VRK1: variants seen among roughly 807,000 people sequenced by gnomAD.
The protein encoded by VRK1 is VRK serine/threonine kinase 1, also known as serine/threonine-protein kinase VRK1.
VRK1 carries 33 observed loss-of-function variants against 57.1 expected under a neutral mutation model. The observed-to-expected ratio is 0.58, with a 90% CI of 0.44 to 0.77. The LOEUF is 0.77. VRK1 is among the 30% of genes least tolerant of loss of function. VRK1 has a pLI of 0.00. For synonymous variants in VRK1, 137 were observed against 147.8 expected (o/e 0.93, Z 0.53); for missense variants, 413 against 477.3 (o/e 0.87, Z 1.25).
At chr14:96,824,402 T>C (rs1886719874) in intron 1 of VRK1, among the ~76,000 whole-genome samples, 1 of 152,184 alleles carries the variant, frequency 6.6e-6, no homozygotes, top group Non-Finnish European at 1.5e-5. Flanking sequence ...AAAGAAAGAA[T>C]GAGCAGTGTT....
At chr14:96,847,998 A>G (rs1887782884) in intron 5 of VRK1, among the ~76,000 whole-genome samples, 1 of 152,192 alleles carries the variant, frequency 6.6e-6, no homozygotes, top group South Asian at 2.1e-4. Context: ...GAATGAATGA[A>G]TGGAACTTCA....
chr14:96,868,072 C>T (rs1203996006), intron 11 of VRK1, among the ~76,000 whole-genome samples: 1 of 152,004 alleles, frequency 6.6e-6, no homozygotes, highest in Non-Finnish European at 1.5e-5. Flanking sequence ...GTTGGAATAC[C>T]TATTTTCCTG....
intron 2 of VRK1, among the ~76,000 whole-genome samples, chr14:96,835,345 A>G (rs964576629): frequency 6.6e-6 from 1 of 152,166 alleles, no homozygotes; most frequent in African/African-American, 2.4e-5. Flanking sequence ...TTATGGTAGC[A>G]TACCTTTTTC....
intron 11 of VRK1, among the ~76,000 whole-genome samples, chr14:96,863,447 A>G (rs982455852): frequency 1.3e-5 from 2 of 152,182 alleles, no homozygotes; most frequent in African/African-American, 4.8e-5. Flanking sequence ...ATCTGGGTTA[A>G]GAACAGCTTA....
intron 12 of VRK1, among the ~76,000 whole-genome samples, chr14:96,880,370 G>C (rs992036614): frequency 1.3e-5 from 2 of 152,112 alleles, no homozygotes; most frequent in Non-Finnish European, 2.9e-5. Context: ...CCTGACTCTG[G>C]TGCCCCTGCT....
intron 11 of VRK1, among the ~76,000 whole-genome samples, chr14:96,865,593 A>G (rs1006843380): frequency 2.0e-5 from 3 of 152,192 alleles, no homozygotes; most frequent in Admixed American, 6.5e-5. Context: ...ACTTTACTCT[A>G]TAGAGCAATT....
rs1269173866 is a variant in VRK1 at position 96,846,183 on chromosome 14, A to G, written c.286+19A>G. 2 of 1,611,376 alleles carry G rather than the reference A, an allele frequency of 1.2e-6. No homozygotes were observed. The highest frequency in any genetic ancestry group is 1.7e-6 in the Non-Finnish European group (2 of 1,177,918). Reference sequence around the variant, plus strand: ...GAGCAAAGTAAGAAATACAGTACACATACGTTTACACTTTTAAAATGACCA... The same window carrying G: ...GAGCAAAGTAAGAAATACAGTACACGTACGTTTACACTTTTAAAATGACCA... On this transcript the variant is annotated intron_variant, in intron 4 of 12. Transcript: ENST00000216639.
rs911174650 is a variant in VRK1, at chr14:96,855,138, A to G, written c.577-86A>G. 26 of 1,603,718 alleles carry G rather than the reference A, an allele frequency of 1.6e-5. No individual in the cohort carries two copies. In the South Asian group the frequency reaches 2.8e-4, roughly 17 times the overall value. On this transcript the variant is annotated intron_variant, in intron 7 of 12. Coordinates refer to ENST00000216639, the MANE Select transcript of VRK1 (RefSeq NM_003384.3). Reference sequence around the variant, plus strand: ...ACCTTGTAGGTGAACCCACCTTCAGATGCCAGTATTTTGTTTCTGTGCTTT... The same window carrying G: ...ACCTTGTAGGTGAACCCACCTTCAGGTGCCAGTATTTTGTTTCTGTGCTTT...
intron 1 of VRK1, among the ~76,000 whole-genome samples, chr14:96,816,894 C>T (rs1330893974): frequency 6.6e-6 from 1 of 152,174 alleles, no homozygotes; most frequent in East Asian, 1.9e-4. Context: ...TTTGAGAAAA[C>T]TGGATAAATT....
chr14:96,838,517 C>G (rs1326223049), intron 3 of VRK1, among the ~76,000 whole-genome samples: 2 of 151,962 alleles, frequency 1.3e-5, no homozygotes, highest in African/African-American at 2.4e-5. Flanking sequence ...ATAGAAGAAC[C>G]AACAGGATGT....
At position 96,856,643 on chromosome 14, in the gene VRK1, C is replaced by A. The variant is rs1425002134; in HGVS notation, c.889+57C>A. On this transcript the variant is annotated intron_variant, in intron 10 of 12. Coordinates refer to ENST00000216639, the MANE Select transcript of VRK1 (RefSeq NM_003384.3). ...ATTTTGTTTTCTGGGGATAAAAAGG[C>A]ATGATATCCATGGAATAGCCCTTAA... 8 of 1,414,998 alleles carry A rather than the reference C, an allele frequency of 5.7e-6. No individual in the cohort carries two copies. The Admixed American group carries it at 1.2e-4, about 21-fold the overall frequency. 87.7% of individuals were successfully genotyped at this position (1,414,998 alleles called of 1,614,324 possible).
At chr14:96,813,590 C>A (rs140677168) in intron 1 of VRK1, among the ~76,000 whole-genome samples, 3 of 151,908 alleles carry the variant, frequency 2.0e-5, no homozygotes, top group Non-Finnish European at 4.4e-5. Context: ...TTCATTACTA[C>A]GTTTGTCCTT....
chr14:96,811,401 C>T (rs186528816), intron 1 of VRK1, among the ~76,000 whole-genome samples: 1 of 152,274 alleles, frequency 6.6e-6, no homozygotes, highest in Non-Finnish European at 1.5e-5. Flanking sequence ...CTTACTTGTC[C>T]CTACCTTCAG....
Position 96,853,175 on chromosome 14 carries a change from A to G in VRK1, c.576+9A>G, listed in dbSNP as rs978347799. 9.9e-6 allele frequency: 16 copies of G among 1,608,490 alleles called. No individual in the cohort carries two copies. The highest frequency in any genetic ancestry group is 2.2e-5 in the South Asian group (2 of 90,998). On this transcript the variant is annotated intron_variant, in intron 7 of 12. Transcript: ENST00000216639. ...ACAAGAATCCTGACCAGGTAGTTTT[A>G]TAACTTTAATTTCTACTATTTAAAG... is the stretch of plus-strand genomic sequence containing the variant.
rs114210260 is a variant in VRK1, at chr14:96,865,570, T to C, written c.1068+4835T>C. Among the ~76,000 whole-genome samples the C allele has an allele frequency of 6.3e-3, 954 of 152,318 alleles. 7 individuals carry two copies. The highest frequency in any genetic ancestry group is 0.018 in the African/African-American group (752 of 41,586). On this transcript the variant is annotated intron_variant, in intron 11 of 12. Coordinates refer to ENST00000216639, the MANE Select transcript of VRK1 (RefSeq NM_003384.3). ...TTTCCTCAAAAATACTTCTAGGATT[T>C]TGACTAAAGTTGACTTTACTCTATA...
At chr14:96,837,338 G>C (rs1278017089) in intron 2 of VRK1, among the ~76,000 whole-genome samples, 3 of 152,082 alleles carry the variant, frequency 2.0e-5, no homozygotes, top group Non-Finnish European at 4.4e-5. Context: ...GTGCTTTTTA[G>C]AACTTTAGCC....
intron 11 of VRK1, among the ~76,000 whole-genome samples, chr14:96,863,620 A>G (rs775801918): frequency 1.1e-4 from 17 of 152,076 alleles, no homozygotes; most frequent in Non-Finnish European, 1.8e-4. Context: ...TGCAATTTGT[A>G]TTTTAGTTTT....
At chr14:96,846,926 T>C (rs1490502789) in intron 4 of VRK1, among the ~76,000 whole-genome samples, 2 of 152,074 alleles carry the variant, frequency 1.3e-5, no homozygotes, top group African/African-American at 4.8e-5. Context: ...ATCTGGATTT[T>C]GGTGTCTTGA....
At chr14:96,851,430 C>G (rs1040203429) in intron 5 of VRK1, among the ~76,000 whole-genome samples, 4 of 152,162 alleles carry the variant, frequency 2.6e-5, no homozygotes, top group African/African-American at 9.7e-5. Context: ...CGTGAACTAC[C>G]AGGCCCGGCC....
Sources: allele counts gnomAD v4.1 joint callset (sites outside exome capture counted in the v4.1 genomes callset), GRCh38; gene constraint gnomAD v4.1.1; transcripts MANE v1.5; gene names NCBI Gene and HGNC (gene_info 2026-07-23, HGNC 2026-07-21).